The following SLC14A2 variants were observed in gnomAD, a reference collection of about 807,000 sequenced individuals.
SLC14A2 encodes urea transporter 2.
Under a neutral mutation model 104.6 loss-of-function variants are expected in SLC14A2, and 91 were observed. That is an observed-to-expected ratio of 0.87 (90% CI 0.73 to 1.04). The LOEUF (loss-of-function observed/expected upper bound fraction) is 1.04, where lower values mean the gene tolerates loss of function less well. Ranked by LOEUF, SLC14A2 falls within the 50% of genes least tolerant of loss-of-function variation. The pLI, the probability that SLC14A2 is intolerant of heterozygous loss-of-function variation, is 0.00. For missense variants in SLC14A2, 1,189 were observed against 1,156.0 expected, an observed-to-expected ratio of 1.03 and a Z score of -0.41; for synonymous variants, 476 against 466.4, an observed-to-expected ratio of 1.02 and a Z score of -0.27.
At chr18:45,420,765 G>A (rs1382214917) in intron 1 of SLC14A2, among the ~76,000 whole-genome samples, 3 of 148,952 alleles carry the variant, frequency 2.0e-5, no homozygotes, top group African/African-American at 5.0e-5. Context: ...TTTTTGAGAC[G>A]GAGTCTCACT....
At chr18:45,559,169 G>T (rs986354579) in intron 2 of SLC14A2, among the ~76,000 whole-genome samples, 1 of 152,126 alleles carries the variant, frequency 6.6e-6, no homozygotes, top group Admixed American at 6.6e-5. Context: ...GTTCTCTCAG[G>T]GGGCTCATAG....
chr18:45,182,209 A>T, the SLC14A2 span, among the ~76,000 whole-genome samples: 1 of 152,056 alleles, frequency 6.6e-6, no homozygotes, highest in Non-Finnish European at 1.5e-5. Flanking sequence ...AGATAAACAG[A>T]CTTTTAAAAA....
At chr18:45,413,066 A>G (rs981577932) in intron 1 of SLC14A2, among the ~76,000 whole-genome samples, 1 of 152,168 alleles carries the variant, frequency 6.6e-6, no homozygotes, top group Non-Finnish European at 1.5e-5. Context: ...GCTTTTTGTC[A>G]ATCATTAGGG....
chr18:45,395,005 G>T (rs558464237), intron 1 of SLC14A2, among the ~76,000 whole-genome samples: 1 of 151,928 alleles, frequency 6.6e-6, no homozygotes, highest in Non-Finnish European at 1.5e-5. Flanking sequence ...GGTGGGTACT[G>T]GCCAAAAAGA....
chr18:45,281,705 C>T (rs942477175), intron 1 of SLC14A2, among the ~76,000 whole-genome samples: 2 of 152,136 alleles, frequency 1.3e-5, no homozygotes, highest in Non-Finnish European at 2.9e-5. Context: ...AGAACAAGGC[C>T]ACTTAATGGC....
chr18:45,290,331 A>G (rs915812525), intron 1 of SLC14A2, among the ~76,000 whole-genome samples: 1 of 151,980 alleles, frequency 6.6e-6, no homozygotes, highest in Admixed American at 6.6e-5. Flanking sequence ...TCATTGCAAA[A>G]TTTTTTGTGC....
chr18:45,393,482 A>G (rs1053212474), intron 1 of SLC14A2, among the ~76,000 whole-genome samples: 8 of 152,138 alleles, frequency 5.3e-5, no homozygotes, highest in African/African-American at 1.9e-4. Flanking sequence ...GTTCCAGTTC[A>G]TTTTTCTCTA....
At chr18:45,443,183 T>G (rs992552727) in intron 1 of SLC14A2, among the ~76,000 whole-genome samples, 3 of 152,164 alleles carry the variant, frequency 2.0e-5, no homozygotes, top group African/African-American at 4.8e-5. Flanking sequence ...ATTCTGAAGA[T>G]TCACTGAAAA....
At chr18:45,534,849 T>C (rs1172938186) in intron 2 of SLC14A2, among the ~76,000 whole-genome samples, 1 of 152,242 alleles carries the variant, frequency 6.6e-6, no homozygotes, top group East Asian at 1.9e-4. Context: ...TAGATTATTT[T>C]CAGCCCTATG....
At chr18:45,434,203 A>G (rs1182753035) in intron 1 of SLC14A2, among the ~76,000 whole-genome samples, 2 of 152,088 alleles carry the variant, frequency 1.3e-5, no homozygotes, top group African/African-American at 2.4e-5. Context: ...GGCAGACACC[A>G]TATTTTCCCT....
chr18:45,361,039 G>T (rs1032812886), intron 1 of SLC14A2, among the ~76,000 whole-genome samples: 1 of 151,988 alleles, frequency 6.6e-6, no homozygotes, highest in Non-Finnish European at 1.5e-5. Flanking sequence ...ACCCGTATCC[G>T]TCAGTTCTTG....
chr18:45,209,683 C>T (rs1018305023), upstream of SLC14A2, among the ~76,000 whole-genome samples: 3 of 151,970 alleles, frequency 2.0e-5, no homozygotes, highest in Non-Finnish European at 2.9e-5. Context: ...TGCTGTGGAC[C>T]TTGATTTCTT....
chr18:45,455,663 A>C (rs199905144), intron 1 of SLC14A2, among the ~76,000 whole-genome samples: 1 of 60,312 alleles, frequency 1.7e-5, no homozygotes, highest in South Asian at 1.1e-3. Flanking sequence ...ATAATAAAGT[A>C]AAAAAAAAAT....
At chr18:45,240,639 T>G (rs1172097219) in intron 1 of SLC14A2, among the ~76,000 whole-genome samples, 2 of 149,306 alleles carry the variant, frequency 1.3e-5, no homozygotes, top group Admixed American at 6.6e-5. Context: ...TGTTTTTTTT[T>G]TGTTTTTTTT....
At chr18:45,488,968 G>T (rs2087666998) in intron 2 of SLC14A2, among the ~76,000 whole-genome samples, 1 of 152,170 alleles carries the variant, frequency 6.6e-6, no homozygotes, top group African/African-American at 2.4e-5. Context: ...CATCCAGGCT[G>T]CAAAGCCTAA....
chr18:45,674,563 A>T (rs540888247), intron 18 of SLC14A2, among the ~76,000 whole-genome samples: 1 of 152,204 alleles, frequency 6.6e-6, no homozygotes, highest in East Asian at 1.9e-4. Context: ...TCTTCTTAAA[A>T]TTACTTTTTG....
At chr18:45,480,842 C>G (rs2087478185) in intron 1 of SLC14A2, among the ~76,000 whole-genome samples, 1 of 152,134 alleles carries the variant, frequency 6.6e-6, no homozygotes, top group Admixed American at 6.5e-5. Flanking sequence ...TGTGCTCTCT[C>G]TAATTTAATG....
At chr18:45,369,575 T>A (rs79308368) in intron 1 of SLC14A2, among the ~76,000 whole-genome samples, 1 of 152,190 alleles carries the variant, frequency 6.6e-6, no homozygotes, top group Non-Finnish European at 1.5e-5. Flanking sequence ...TATATGTATA[T>A]GTTTTATGCT....
chr18:45,672,960 G>A lies in SLC14A2; in HGVS notation c.2290G>A (p.Gly764Arg). Residue 764 changes from glycine (G) to arginine (R), a missense_variant, in exon 17 of 20, where the codon GGA becomes AGA. Coordinates refer to ENST00000255226, the MANE Select transcript of SLC14A2 (RefSeq NM_007163.4). ...QVYGCDNPWT[G>R]GIFLIALFIS... ...GTACGGCTGTGATAACCCCTGGACTGGAGGCATCTTCCTCATAGCTCTGTT... is the reference window on the plus strand; with the variant it reads ...GTACGGCTGTGATAACCCCTGGACTAGAGGCATCTTCCTCATAGCTCTGTT... The A allele has an allele frequency of 6.2e-7, 1 of 1,614,106 alleles. No individual in the cohort carries two copies. The highest frequency in any genetic ancestry group is 8.5e-7 in the Non-Finnish European group (1 of 1,179,956).
Sources: allele counts gnomAD v4.1 joint callset (sites outside exome capture counted in the v4.1 genomes callset), GRCh38; gene constraint gnomAD v4.1.1; transcripts MANE v1.5; gene names NCBI Gene and HGNC (gene_info 2026-07-23, HGNC 2026-07-21).